The following TPR variants were observed in gnomAD, a reference collection of about 807,000 sequenced individuals.
TPR encodes translocated promoter region, nuclear basket protein, also known as nucleoprotein TPR.
A neutral mutation model predicts 316.1 loss-of-function variants in TPR; 51 were observed. The observed-to-expected ratio is 0.16, with a 90% CI of 0.13 to 0.20. The LOEUF is 0.20. TPR is among the 10% of genes least tolerant of loss of function. TPR has a pLI of 1.00. For synonymous variants in TPR, 981 were observed against 914.7 expected (o/e 1.07, Z -1.31); for missense variants, 2,272 against 2,754.8 (o/e 0.82, Z 3.92).
intron 1 of TPR, 81 bp downstream of exon 1, chr1:186,374,797 T>C (rs541567611): frequency 2.7e-5 from 40 of 1,464,300 alleles, no homozygotes; most frequent in Admixed American, 4.0e-5. Flanking sequence ...CGGTACCCAG[T>C]GCCAACTTGA....
intron 30 of TPR, among the ~76,000 whole-genome samples, chr1:186,338,501 A>C (rs965566417): frequency 6.6e-6 from 1 of 152,192 alleles, no homozygotes; most frequent in East Asian, 1.9e-4. Flanking sequence ...CAATTTTACA[A>C]ACTAAAATCA....
At chr1:186,358,960 G>T (rs1659105224) in intron 12 of TPR, among the ~76,000 whole-genome samples, 1 of 152,038 alleles carries the variant, frequency 6.6e-6, no homozygotes, top group South Asian at 2.1e-4. Flanking sequence ...TCTCAGGCAG[G>T]CGGGACTGCT....
chr1:186,373,070 G>C (rs908533953), intron 2 of TPR, among the ~76,000 whole-genome samples: 1 of 152,074 alleles, frequency 6.6e-6, no homozygotes, highest in Non-Finnish European at 1.5e-5. Flanking sequence ...AGACATGTGG[G>C]TCTAACCATT....
chr1:186,319,405 C>T (rs1197409137), intron 46 of TPR, among the ~76,000 whole-genome samples: 1 of 152,084 alleles, frequency 6.6e-6, no homozygotes. Context: ...TATTGAGTAT[C>T]CAACTATGGA....
intron 8 of TPR, 27 bp from the exon 9 acceptor site, chr1:186,361,736 T>G: frequency 1.2e-6 from 2 of 1,613,218 alleles, no homozygotes; most frequent in East Asian, 2.2e-5. Context: ...AAAAGTTACC[T>G]AACAGTCAAC....
intron 24 of TPR, among the ~76,000 whole-genome samples, chr1:186,345,174 T>C (rs547440673): frequency 9.2e-5 from 14 of 152,312 alleles, no homozygotes; most frequent in Non-Finnish European, 1.8e-4. Context: ...ATAAATAGTA[T>C]ATAGATATCT....
chr1:186,353,394 A>C (rs368934628), intron 18 of TPR, among the ~76,000 whole-genome samples: 1 of 152,100 alleles, frequency 6.6e-6, no homozygotes, highest in Non-Finnish European at 1.5e-5. Context: ...ACCAAAAAAA[A>C]AAACGTCTTT....
At chr1:186,331,717 A>G (rs116577481) in intron 38 of TPR, 136 bp from the exon 39 acceptor site, 8,610 of 466,488 alleles carry the variant, frequency 0.018, 635 homozygotes, top group African/African-American at 0.16. Context: ...AAAAAATTTT[A>G]TTTAAAAATT....
intron 27 of TPR, chr1:186,342,881 T>C (rs1658550740): frequency 6.6e-6 from 1 of 152,478 alleles, no homozygotes; most frequent in Non-Finnish European, 1.5e-5. Context: ...AGAAAGATAT[T>C]CTGTAGCAGT....
rs1435151984 is a variant in TPR at position 186,313,191 on chromosome 1, C to G, written c.*780G>C. The G allele has an allele frequency of 6.9e-6, 3 of 436,344 alleles. No individual in the cohort carries two copies. Among genetic ancestry groups the G allele is most frequent in the Non-Finnish European group, 1.3e-5 (3 of 235,432 alleles). 27.0% of individuals were successfully genotyped at this position (436,344 alleles called of 1,614,324 possible). On this transcript the variant is annotated 3_prime_UTR_variant, in exon 51 of 51. Transcript: ENST00000367478. ...ATCATTTGTGGCATTTAACAGATAC[C>G]TTGTTTGGCACAAGGTTATAATGAT...
intron 26 of TPR, 127 bp downstream of exon 26, chr1:186,343,779 C>A: frequency 1.0e-6 from 1 of 968,802 alleles, no homozygotes; most frequent in Non-Finnish European, 1.5e-6. Context: ...GTTATGAGTT[C>A]TTTGACAAAT....
chr1:186,320,233 T>C (rs1247314910), intron 46 of TPR, 79 bp downstream of exon 46: 2 of 1,207,088 alleles, frequency 1.7e-6, no homozygotes, highest in East Asian at 2.7e-5. Flanking sequence ...TTTGCTCTTT[T>C]TCCCCCCTTA....
chr1:186,325,519 G>GT, intron 42 of TPR: 1 of 345,950 alleles, frequency 2.9e-6, no homozygotes, highest in East Asian at 4.8e-5. Flanking sequence ...TTATAATACC[G>GT]TAAGGGTTAC....
At chr1:186,334,011 T>C (rs1031932157) in intron 36 of TPR, among the ~76,000 whole-genome samples, 5 of 152,130 alleles carry the variant, frequency 3.3e-5, no homozygotes, top group Admixed American at 6.6e-5. Flanking sequence ...AAAGTTGTAA[T>C]TGCTGTAATG....
rs552924465 is a variant in TPR at position 186,360,469 on chromosome 1, T to C, written c.1100-105A>G. On this transcript the variant is annotated intron_variant, in intron 10 of 50. Coordinates refer to ENST00000367478, the MANE Select transcript of TPR (RefSeq NM_003292.3). The stretch of plus-strand genomic sequence containing the variant: ...CATGTACTGTACATTATATAGTAAT[T>C]CCTATAAAAATTTTAAATACATGAC... 69 of 1,200,434 alleles carry C rather than the reference T, an allele frequency of 5.7e-5. No homozygotes were observed. The African/African-American group carries it at 1.0e-3, about 18-fold the overall frequency. 74.4% of individuals were successfully genotyped at this position (1,200,434 alleles called of 1,614,324 possible). A position where few individuals can be genotyped will look rare whatever the true frequency, so the allele number is the denominator to read the frequency against.
At chr1:186,343,868 T>A in intron 26 of TPR, 38 bp downstream of exon 26, 1 of 1,535,064 alleles carries the variant, frequency 6.5e-7, no homozygotes, top group Non-Finnish European at 8.9e-7. Context: ...TTCATAGTTG[T>A]TATACCACAG....
chr1:186,353,790 C>G lies in TPR; in HGVS notation c.2232G>C (p.Glu744Asp). Reference protein sequence around the residue: ...GYRREITSLHERNQKLTATTQ... With the variant: ...GYRREITSLHDRNQKLTATTQ... ...TTGTGGCAGTGAGTTTCTGATTTCT[C>G]TCATGAAGTGATGTTATTTCTCGAC... The change falls in exon 18 of 51, where the codon GAG (glutamate) becomes GAC (aspartate). Residue 744 changes from glutamate (E) to aspartate (D), a missense_variant. Around this residue, in one of 10 missense-constraint regions of TPR, gnomAD observed 757 missense variants for 859.8 expected, o/e 0.88. Transcript: ENST00000367478. 1 of 1,614,120 alleles carries G rather than the reference C, an allele frequency of 6.2e-7. No homozygotes were observed. Among genetic ancestry groups the G allele is most frequent in the Non-Finnish European group, 8.5e-7 (1 of 1,180,012 alleles).
chr1:186,318,344 A>C, intron 48 of TPR, 103 bp downstream of exon 48: 3 of 1,470,612 alleles, frequency 2.0e-6, no homozygotes, highest in Non-Finnish European at 2.7e-6. Context: ...AAAAACAAAA[A>C]AAAACAAAAC....
rs1658654917 is a variant in TPR at position 186,345,681 on chromosome 1, T to C, written c.3112A>G (p.Lys1038Glu). ...TCATTCTGAACACTAGAAAGTGTTT[T>C]CTTCAATTCAGATAACTAAGCAGAA... The part of the protein sequence containing the change: ...SMEQQLSELK[K>E]TLSSVQNEVQ... Residue 1038 changes from lysine (K) to glutamate (E), a missense_variant, in exon 24 of 51, where the codon AAA becomes GAA. Lys to Glu is a moderately conservative substitution (Grantham distance 56, BLOSUM62 1). Transcript: ENST00000367478. 6.2e-7 allele frequency: 1 copy of C among 1,610,650 alleles called. No individual in the cohort carries two copies. Among genetic ancestry groups the C allele is most frequent in the Non-Finnish European group, 8.5e-7 (1 of 1,178,338 alleles).
Sources: allele counts gnomAD v4.1 joint callset (sites outside exome capture counted in the v4.1 genomes callset), GRCh38; gene constraint gnomAD v4.1.1; regional missense constraint gnomAD v4.1.1; transcripts MANE v1.5; gene names NCBI Gene and HGNC (gene_info 2026-07-23, HGNC 2026-07-21).